Variants in SH3D19 observed in about 807,000 individuals in gnomAD.
SH3D19 encodes the protein SH3 domain-containing protein 19.
Under a neutral mutation model 112.1 loss-of-function variants are expected in SH3D19, and 58 were observed. The observed-to-expected ratio is 0.52, with a 90% CI of 0.42 to 0.64. The LOEUF (loss-of-function observed/expected upper bound fraction) is 0.64. Ranked by LOEUF, SH3D19 falls within the 30% of genes least tolerant of loss-of-function variation. The probability of loss-of-function intolerance (pLI) is 0.00; values close to 1 mark genes in which losing one functional copy is unlikely to be tolerated. For synonymous variants in SH3D19, 391 were observed against 448.5 expected, an observed-to-expected ratio of 0.87 and a Z score of 1.62; for missense variants, 1,090 against 1,263.4, an observed-to-expected ratio of 0.86 and a Z score of 2.08.
In SH3D19 at chr4:151,149,128, G is replaced by T. The variant is rs6848083; in HGVS notation, c.1817+372C>A. Among the ~76,000 whole-genome samples, 415 of 152,286 alleles carry T rather than the reference G, an allele frequency of 2.7e-3. 3 individuals are homozygous for T. The highest frequency in any genetic ancestry group is 9.4e-3 in the African/African-American group (389 of 41,586). On this transcript the variant is annotated intron_variant, in intron 10 of 19. Coordinates refer to ENST00000604030, the MANE Select transcript of SH3D19 (RefSeq NM_001378122.1). The stretch of plus-strand genomic sequence containing the variant: ...ATTTGAATAGCTCCGGAACTCAGAA[G>T]GCAGTCACCTCTGAGCTCACAAAGC...
In SH3D19 at chr4:151,242,936, T is replaced by C. The variant is rs149040838; in HGVS notation, c.113-16850A>G. On this transcript the variant is annotated intron_variant, in intron 1 of 19. Transcript: ENST00000604030. ...AGGAAGCTGAACATAGATTTGGCAT[T>C]GATAGTACAACCAAGCTGTATGAAT... 5.4e-4 allele frequency among the ~76,000 whole-genome samples: 82 copies of C among 152,282 alleles called. No individual in the cohort carries two copies. In the East Asian group the frequency reaches 0.013, roughly 25 times the overall value.
At chr4:151,208,966 C>A (rs535273850) in intron 2 of SH3D19, among the ~76,000 whole-genome samples, 1 of 151,978 alleles carries the variant, frequency 6.6e-6, no homozygotes, top group African/African-American at 2.4e-5. Context: ...CTTGAGCCAC[C>A]ATGCCCGGCC....
At chr4:151,178,034 T>C (rs1438598438) in intron 4 of SH3D19, among the ~76,000 whole-genome samples, 5 of 152,210 alleles carry the variant, frequency 3.3e-5, no homozygotes, top group African/African-American at 1.2e-4. Flanking sequence ...CCCCTCAGCT[T>C]CCTGAGTAGC....
chr4:151,155,760 G>T (rs925439644), intron 9 of SH3D19, among the ~76,000 whole-genome samples: 1 of 152,020 alleles, frequency 6.6e-6, no homozygotes. Flanking sequence ...ATGGTGGTGC[G>T]CACCTGTAGT....
intron 9 of SH3D19, among the ~76,000 whole-genome samples, chr4:151,156,181 T>C (rs72965672): frequency 6.6e-6 from 1 of 152,010 alleles, no homozygotes; most frequent in Non-Finnish European, 1.5e-5. Context: ...ATACAAAGGA[T>C]ACAAACAAAC....
chr4:151,192,416 G>A (rs140501278), intron 2 of SH3D19, among the ~76,000 whole-genome samples: 174 of 152,236 alleles, frequency 1.1e-3, no homozygotes, highest in African/African-American at 3.7e-3. Context: ...TACTGGGCAC[G>A]TATCAGAGTC....
At chr4:151,138,734 A>ACACACAC in intron 13 of SH3D19, among the ~76,000 whole-genome samples, 1 of 149,724 alleles carries the variant, frequency 6.7e-6, no homozygotes, top group African/African-American at 2.5e-5. Context: ...ACACACACAC[A>ACACACAC]AATTACTTTG....
At chr4:151,234,002 T>G (rs1769813226) in intron 1 of SH3D19, among the ~76,000 whole-genome samples, 1 of 152,248 alleles carries the variant, frequency 6.6e-6, no homozygotes, top group Non-Finnish European at 1.5e-5. Context: ...AGTTGGTTCA[T>G]GGATATATCT....
chr4:151,122,038 A>C lies in SH3D19; in HGVS notation c.*53T>G, dbSNP rs1400395273. 1.1e-5 allele frequency: 9 copies of C among 854,946 alleles called. No individual in the cohort carries two copies. The African/African-American group carries it at 1.3e-4, about 13-fold the overall frequency. 53.0% of individuals were successfully genotyped at this position (854,946 alleles called of 1,614,324 possible). On this transcript the variant is annotated 3_prime_UTR_variant, in exon 20 of 20. Coordinates refer to ENST00000604030, the MANE Select transcript of SH3D19 (RefSeq NM_001378122.1). ...AGTGCAAAAACATATCTGATAGTCA[A>C]GGTGATAGTTCAAGTGAGTTCTTGT...
intron 19 of SH3D19, among the ~76,000 whole-genome samples, chr4:151,125,343 G>A (rs6858377): frequency 0.81 from 122,926 of 151,704 alleles, 51,952 homozygotes; most frequent in Non-Finnish European, 0.95. Flanking sequence ...CACACCTGTA[G>A]TCCCAGCTAC....
chr4:151,130,970 GA>G (rs931210882), intron 17 of SH3D19, among the ~76,000 whole-genome samples: 3 of 151,284 alleles, frequency 2.0e-5, no homozygotes, highest in African/African-American at 4.9e-5. Flanking sequence ...AGAAGTGGGG[GA>G]AAAAAACCTA....
chr4:151,274,374 A>G (rs759867445), intron 1 of SH3D19, among the ~76,000 whole-genome samples: 3 of 152,210 alleles, frequency 2.0e-5, no homozygotes, highest in Non-Finnish European at 4.4e-5. Context: ...TGAGCTGGCC[A>G]TATTTCTGCA....
intron 8 of SH3D19, among the ~76,000 whole-genome samples, chr4:151,163,584 TTC>T (rs975171038): frequency 3.9e-5 from 5 of 128,658 alleles, no homozygotes; most frequent in Non-Finnish European, 5.6e-5. Context: ...CTTTCTTTCT[TTC>T]TTTTTTTTTT....
chr4:151,238,019 GAAGTAATAAAT>G (rs965127073), intron 1 of SH3D19, among the ~76,000 whole-genome samples: 4 of 151,898 alleles, frequency 2.6e-5, no homozygotes, highest in African/African-American at 9.7e-5. Flanking sequence ...GCCTCTGGCA[GAAGTAATAAAT>G]AAGCCCTAAA....
At chr4:151,314,486 G>A (rs1729799902) in intron 1 of SH3D19, among the ~76,000 whole-genome samples, 1 of 152,134 alleles carries the variant, frequency 6.6e-6, no homozygotes, top group Non-Finnish European at 1.5e-5. Flanking sequence ...GGTGGAGTGG[G>A]GGCCTCATAA....
At chr4:151,307,538 C>T (rs916204019) in intron 1 of SH3D19, among the ~76,000 whole-genome samples, 2 of 152,234 alleles carry the variant, frequency 1.3e-5, no homozygotes, top group African/African-American at 4.8e-5. Context: ...ACCCGTCAGG[C>T]AGGTGTGTGC....
At chr4:151,142,907 G>A (rs920770055) in intron 12 of SH3D19, among the ~76,000 whole-genome samples, 12 of 152,078 alleles carry the variant, frequency 7.9e-5, no homozygotes, top group African/African-American at 2.9e-4. Flanking sequence ...ATGAGAAGGT[G>A]GTATTTAAGG....
At chr4:151,312,789 T>C (rs1729586596) in intron 1 of SH3D19, among the ~76,000 whole-genome samples, 2 of 151,652 alleles carry the variant, frequency 1.3e-5, no homozygotes, top group Middle Eastern at 3.4e-3. Flanking sequence ...TAGTCCCAGC[T>C]ACTGGGGAGG....
intron 9 of SH3D19, among the ~76,000 whole-genome samples, chr4:151,155,099 C>T (rs780404317): frequency 3.9e-5 from 6 of 152,158 alleles, no homozygotes; most frequent in East Asian, 3.9e-4. Context: ...AAGTCCATTA[C>T]ATATGATGGA....
Sources: gnomAD v4.1 joint callset for allele counts (sites outside exome capture counted in the v4.1 genomes callset) on GRCh38, gnomAD v4.1.1 for gene constraint, MANE v1.5 for transcripts, NCBI Gene and HGNC (gene_info 2026-07-23, HGNC 2026-07-21) for gene names.